The following NREP variants were observed in gnomAD, a reference collection of about 807,000 sequenced individuals.
NREP encodes the protein neuronal regeneration-related protein.
In NREP, 5 loss-of-function variants were observed where a neutral mutation model predicts 8.6. The ratio of observed to expected loss-of-function variants is 0.58; its 90% CI spans 0.30 to 1.22. The LOEUF (loss-of-function observed/expected upper bound fraction) is 1.22. Among genes scored for constraint, NREP ranks in the 50% most tolerant of loss-of-function variants. NREP has a pLI of 0.07. For synonymous variants in NREP, 27 were observed against 28.0 expected, an observed-to-expected ratio of 0.96 and a Z score of 0.11; for missense variants, 86 against 82.5, an observed-to-expected ratio of 1.04 and a Z score of -0.17.
intron 2 of NREP, among the ~76,000 whole-genome samples, chr5:111,845,819 A>G (rs1027255475): frequency 1.3e-5 from 2 of 151,886 alleles, no homozygotes; most frequent in African/African-American, 4.8e-5. Context: ...ATGGAAAGCT[A>G]TGATCAAGGA....
chr5:111,910,323 C>T (rs1012031960), intron 2 of NREP, among the ~76,000 whole-genome samples: 1 of 151,950 alleles, frequency 6.6e-6, no homozygotes, highest in Non-Finnish European at 1.5e-5. Context: ...TTGCTTACCT[C>T]CCTATAAAGG....
chr5:111,913,691 A>C (rs1415578024), intron 2 of NREP, among the ~76,000 whole-genome samples: 2 of 152,122 alleles, frequency 1.3e-5, no homozygotes, highest in African/African-American at 4.8e-5. Context: ...TTCCTACTTC[A>C]CAAATATTTT....
intron 2 of NREP, among the ~76,000 whole-genome samples, chr5:111,797,589 A>C (rs932063519): frequency 6.6e-6 from 1 of 152,212 alleles, no homozygotes; most frequent in Non-Finnish European, 1.5e-5. Flanking sequence ...TCTGCAGCTA[A>C]ACTGGGAAGG....
chr5:111,828,180 G>A (rs1323547231), intron 2 of NREP, among the ~76,000 whole-genome samples: 1 of 152,068 alleles, frequency 6.6e-6, no homozygotes, highest in African/African-American at 2.4e-5. Flanking sequence ...ACAGGCATGT[G>A]CCATCATGCC....
intron 2 of NREP, among the ~76,000 whole-genome samples, chr5:111,903,335 T>A (rs1038447470): frequency 1.3e-5 from 2 of 152,132 alleles, no homozygotes; most frequent in Admixed American, 6.6e-5. Flanking sequence ...TCTGCCTGCC[T>A]TGGCCTCCCA....
At chr5:111,783,692 G>A (rs766182716) in intron 2 of NREP, among the ~76,000 whole-genome samples, 5 of 152,140 alleles carry the variant, frequency 3.3e-5, no homozygotes, top group African/African-American at 4.8e-5. Flanking sequence ...GCATACAAAC[G>A]TCTACTAACG....
chr5:111,803,569 T>C (rs556361143), intron 2 of NREP, among the ~76,000 whole-genome samples: 13 of 152,314 alleles, frequency 8.5e-5, no homozygotes, highest in Non-Finnish European at 8.8e-5. Flanking sequence ...TAAAAGCTTA[T>C]CTTTTATTGT....
intron 2 of NREP, among the ~76,000 whole-genome samples, chr5:111,934,911 T>C (rs956824310): frequency 2.0e-5 from 3 of 151,920 alleles, no homozygotes; most frequent in East Asian, 2.0e-4. Flanking sequence ...CAGAGCCAGA[T>C]GCTGCTTTGC....
chr5:111,820,265 G>A (rs1317974735), intron 2 of NREP, among the ~76,000 whole-genome samples: 2 of 152,162 alleles, frequency 1.3e-5, no homozygotes, highest in East Asian at 3.9e-4. Flanking sequence ...ATACAAGAAG[G>A]CAGAGCGCCA....
chr5:111,784,665 T>C (rs1751568524), intron 2 of NREP, among the ~76,000 whole-genome samples: 1 of 152,168 alleles, frequency 6.6e-6, no homozygotes, highest in African/African-American at 2.4e-5. Flanking sequence ...TCAAGGTCCT[T>C]AGTATATTAA....
chr5:111,882,704 G>A (rs1444248987), intron 2 of NREP, among the ~76,000 whole-genome samples: 1 of 152,098 alleles, frequency 6.6e-6, no homozygotes, highest in African/African-American at 2.4e-5. Flanking sequence ...TTTCCACCCA[G>A]AATTTCATAT....
chr5:111,750,520 G>A (rs1750294956), intron 2 of NREP, among the ~76,000 whole-genome samples: 1 of 152,144 alleles, frequency 6.6e-6, no homozygotes, highest in East Asian at 1.9e-4. Flanking sequence ...AGTTAGTGAT[G>A]GAGATAGCCA....
At chr5:111,902,362 G>A (rs939377587) in intron 2 of NREP, among the ~76,000 whole-genome samples, 3 of 152,096 alleles carry the variant, frequency 2.0e-5, no homozygotes, top group African/African-American at 7.2e-5. Flanking sequence ...AACATGTGCT[G>A]TAATAGTTGA....
At chr5:111,850,488 A>T (rs1753281486) in intron 2 of NREP, among the ~76,000 whole-genome samples, 1 of 152,078 alleles carries the variant, frequency 6.6e-6, no homozygotes, top group South Asian at 2.1e-4. Context: ...CACCCACATG[A>T]TTCCACTTCT....
Position 111,939,869 on chromosome 5 carries a change from C to T in NREP, c.135+35405G>A, listed in dbSNP as rs900959425. Among the ~76,000 whole-genome samples, 5 of 151,964 alleles carry T rather than the reference C, an allele frequency of 3.3e-5. No homozygotes were observed. In the East Asian group the frequency reaches 9.7e-4, roughly 29 times the overall value. ...GTCCAAAGTTAATGAATCAATGATACATATTAAATACGTTATCTTTAAAAA... is the reference window on the plus strand; with the variant it reads ...GTCCAAAGTTAATGAATCAATGATATATATTAAATACGTTATCTTTAAAAA... On this transcript the variant is annotated intron_variant, in intron 2 of 3. Transcript: ENST00000395634.
intron 2 of NREP, among the ~76,000 whole-genome samples, chr5:111,817,295 C>T (rs943504230): frequency 6.6e-6 from 1 of 152,112 alleles, no homozygotes; most frequent in Admixed American, 6.5e-5. Flanking sequence ...CTGGACGGAA[C>T]CTCAGTGCAT....
chr5:111,837,361 G>T (rs918967525), intron 2 of NREP, among the ~76,000 whole-genome samples: 1 of 151,840 alleles, frequency 6.6e-6, no homozygotes, highest in South Asian at 2.1e-4. Flanking sequence ...TTATTTAAGG[G>T]GCTCCCACTG....
At chr5:111,957,010 A>C (rs1156821775) in intron 2 of NREP, among the ~76,000 whole-genome samples, 6 of 147,268 alleles carry the variant, frequency 4.1e-5, no homozygotes, top group African/African-American at 7.4e-5. Context: ...ATGCCAGTTA[A>C]GTACAATGAC....
At chr5:111,826,326 C>G (rs567203738) in intron 2 of NREP, among the ~76,000 whole-genome samples, 3 of 152,156 alleles carry the variant, frequency 2.0e-5, no homozygotes, top group Non-Finnish European at 4.4e-5. Context: ...AAGCAGGCCA[C>G]GCGTCACCAC....
Sources: allele counts gnomAD v4.1 joint callset (sites outside exome capture counted in the v4.1 genomes callset), GRCh38; gene constraint gnomAD v4.1.1; transcripts MANE v1.5; gene names NCBI Gene and HGNC (gene_info 2026-07-23, HGNC 2026-07-21).